Variants in AMPH observed in about 807,000 individuals in gnomAD.
AMPH encodes the protein amphiphysin, also known as amphiphysin (Stiff-Mann syndrome with breast cancer 128kD autoantigen).
A neutral mutation model predicts 99.1 loss-of-function variants in AMPH; 49 were observed. The observed-to-expected ratio is 0.49, with a 90% CI of 0.39 to 0.63. The LOEUF (loss-of-function observed/expected upper bound fraction) is 0.63. Among genes scored for constraint, AMPH ranks in the 20% least tolerant of loss-of-function variants. The pLI is 0.00. For synonymous variants in AMPH, 314 were observed against 317.3 expected, an observed-to-expected ratio of 0.99 and a Z score of 0.11; for missense variants, 759 against 863.4, an observed-to-expected ratio of 0.88 and a Z score of 1.52.
intron 13 of AMPH, among the ~76,000 whole-genome samples, chr7:38,431,669 A>T (rs1302022533): frequency 6.6e-6 from 1 of 152,104 alleles, no homozygotes; most frequent in Non-Finnish European, 1.5e-5. Context: ...AAAAAAAAAA[A>T]AAAAAAAGTA....
chr7:38,417,725 G>C (rs113552937), intron 17 of AMPH, 100 bp downstream of exon 17: 1 of 1,474,814 alleles, frequency 6.8e-7, no homozygotes, highest in African/African-American at 1.4e-5. Flanking sequence ...GAGCATGTTT[G>C]GCCCAAGTGA....
chr7:38,409,352 G>C (rs932846357), intron 17 of AMPH, among the ~76,000 whole-genome samples: 2 of 152,178 alleles, frequency 1.3e-5, no homozygotes, highest in African/African-American at 4.8e-5. Context: ...CCAAGAGGTA[G>C]GTAGGGTATC....
chr7:38,395,803 C>T (rs558935508), intron 17 of AMPH, among the ~76,000 whole-genome samples: 13 of 152,242 alleles, frequency 8.5e-5, no homozygotes, highest in African/African-American at 2.4e-4. Context: ...AGAGTACCTC[C>T]GAGTGAGCAT....
chr7:38,444,264 T>C (rs888975999), intron 11 of AMPH, among the ~76,000 whole-genome samples: 58 of 152,250 alleles, frequency 3.8e-4, no homozygotes, highest in African/African-American at 1.4e-3. Context: ...TGCAACATGA[T>C]TCAATATCTG....
At chr7:38,483,353 T>C (rs1033017306) in intron 5 of AMPH, among the ~76,000 whole-genome samples, 2 of 152,124 alleles carry the variant, frequency 1.3e-5, no homozygotes, top group Non-Finnish European at 2.9e-5. Flanking sequence ...CTAAGTAGTA[T>C]GGCCTACCAT....
chr7:38,541,962 T>C (rs952589521), intron 1 of AMPH, among the ~76,000 whole-genome samples: 3 of 152,222 alleles, frequency 2.0e-5, no homozygotes. Context: ...CACATCTACC[T>C]GAAAAGGTAT....
At chr7:38,539,720 T>C (rs1479893163) in intron 1 of AMPH, among the ~76,000 whole-genome samples, 2 of 152,130 alleles carry the variant, frequency 1.3e-5, no homozygotes, top group Non-Finnish European at 2.9e-5. Flanking sequence ...GATTCAGATG[T>C]GGAACTGGAA....
intron 1 of AMPH, among the ~76,000 whole-genome samples, chr7:38,572,350 G>A (rs1204265399): frequency 1.3e-5 from 2 of 152,184 alleles, no homozygotes; most frequent in Non-Finnish European, 2.9e-5. Flanking sequence ...AGGAGCAACA[G>A]GCTATGCTAT....
intron 13 of AMPH, 146 bp from the exon 14 acceptor site, chr7:38,430,011 T>C (rs1562749064): frequency 2.7e-6 from 2 of 738,948 alleles, no homozygotes; most frequent in Non-Finnish European, 2.1e-6. Context: ...TGTTTTGTGA[T>C]AGGAATGATT....
intron 19 of AMPH, among the ~76,000 whole-genome samples, chr7:38,390,825 C>T (rs1243452440): frequency 6.6e-6 from 1 of 152,154 alleles, no homozygotes; most frequent in Non-Finnish European, 1.5e-5. Flanking sequence ...AAAACGGAAC[C>T]TGGCAGGAAA....
At position 38,465,447 on chromosome 7, in the gene AMPH, TC is replaced by T; in HGVS notation, c.749+19del. 1 of 1,558,718 alleles carries T rather than the reference TC, an allele frequency of 6.4e-7. No individual in the cohort carries two copies. Among genetic ancestry groups the T allele is most frequent in the Non-Finnish European group, 8.7e-7 (1 of 1,148,964 alleles). On this transcript the variant is annotated intron_variant, in intron 9 of 20. Coordinates refer to ENST00000356264, the MANE Select transcript of AMPH (RefSeq NM_001635.4). ...TTAGCAAGCAGGACATTACAGGTGC[TC>T]CAATGAGCAGGGGCCTACCTGGGCG...
At chr7:38,524,174 G>C (rs182912953) in intron 2 of AMPH, among the ~76,000 whole-genome samples, 22 of 152,204 alleles carry the variant, frequency 1.4e-4, no homozygotes, top group Admixed American at 4.6e-4. Flanking sequence ...CTAATTATGA[G>C]AAAAGTATCG....
At position 38,536,458 on chromosome 7, in the gene AMPH, G is replaced by A. The variant is rs558131663; in HGVS notation, c.70-1447C>T. 4.8e-4 allele frequency among the ~76,000 whole-genome samples: 73 copies of A among 152,186 alleles called. No individual in the cohort carries two copies. In the East Asian group the frequency reaches 6.0e-3, roughly 12 times the overall value. ...GAGTTCATGCAGATTTCTTCAAGAGGTCAATTTTCTTCGGAGCAAAAGTAA... is the reference window on the plus strand; with the variant it reads ...GAGTTCATGCAGATTTCTTCAAGAGATCAATTTTCTTCGGAGCAAAAGTAA... On this transcript the variant is annotated intron_variant, in intron 1 of 20. Transcript: ENST00000356264.
chr7:38,580,276 C>T (rs1258434352), intron 1 of AMPH, among the ~76,000 whole-genome samples: 1 of 152,100 alleles, frequency 6.6e-6, no homozygotes, highest in East Asian at 1.9e-4. Context: ...CAGTGAGATG[C>T]TACAAGAACA....
chr7:38,443,452 G>A (rs59610401), intron 11 of AMPH, among the ~76,000 whole-genome samples: 8,659 of 151,926 alleles, frequency 0.057, 643 homozygotes, highest in East Asian at 0.35. Context: ...ATTCTAGACC[G>A]AGCTTTAGCA....
chr7:38,500,176 T>C (rs1314228123), intron 3 of AMPH, among the ~76,000 whole-genome samples: 2 of 152,184 alleles, frequency 1.3e-5, no homozygotes, highest in Non-Finnish European at 2.9e-5. Context: ...AGAAGGGTCC[T>C]GCAGTCAAAT....
chr7:38,455,258 A>G (rs1787187485), intron 11 of AMPH, among the ~76,000 whole-genome samples: 1 of 152,026 alleles, frequency 6.6e-6, no homozygotes, highest in South Asian at 2.1e-4. Flanking sequence ...TTTAGTAGCG[A>G]CAGGGTTTCC....
At chr7:38,393,975 G>A in intron 18 of AMPH, 30 bp downstream of exon 18, 1 of 1,610,022 alleles carries the variant, frequency 6.2e-7, no homozygotes, top group Non-Finnish European at 8.5e-7. Flanking sequence ...CTTCCCAGGA[G>A]CTCCCCTGGC....
intron 2 of AMPH, among the ~76,000 whole-genome samples, chr7:38,529,212 A>C (rs978833613): frequency 3.3e-5 from 5 of 152,234 alleles, no homozygotes; most frequent in Non-Finnish European, 7.3e-5. Context: ...ATCACAGATA[A>C]TCCAGAACAT....
Sources: gnomAD v4.1 joint callset for allele counts (sites outside exome capture counted in the v4.1 genomes callset) on GRCh38, gnomAD v4.1.1 for gene constraint, MANE v1.5 for transcripts, NCBI Gene and HGNC (gene_info 2026-07-23, HGNC 2026-07-21) for gene names.